IL1RL2: variants seen among roughly 807,000 people sequenced by gnomAD.
IL1RL2 encodes the protein interleukin-1 receptor-like 2.
IL1RL2 carries 68 observed loss-of-function variants against 66.8 expected under a neutral mutation model. The ratio of observed to expected loss-of-function variants is 1.02; its 90% CI spans 0.84 to 1.25. The LOEUF is 1.25. Among genes scored for constraint, IL1RL2 ranks in the 50% most tolerant of loss-of-function variants. IL1RL2 has a pLI of 0.00. For synonymous variants in IL1RL2, 305 were observed against 264.6 expected (o/e 1.15, Z -1.48); for missense variants, 729 against 709.3 (o/e 1.03, Z -0.32).
At chr2:102,205,809 G>A (rs1179570221) in intron 5 of IL1RL2, among the ~76,000 whole-genome samples, 3 of 152,102 alleles carry the variant, frequency 2.0e-5, no homozygotes, top group African/African-American at 7.2e-5. Context: ...TTATCCTTTT[G>A]AATAAACTTT....
chr2:102,211,418 G>A (rs1263331362), intron 5 of IL1RL2, among the ~76,000 whole-genome samples: 1 of 151,936 alleles, frequency 6.6e-6, no homozygotes, highest in Non-Finnish European at 1.5e-5. Context: ...GAAGAGGACG[G>A]GATATAAAAT....
Position 102,219,042 on chromosome 2 carries a change from G to T in IL1RL2, c.814G>T (p.Asp272Tyr), listed in dbSNP as rs1048014087. The change falls in exon 7 of 12, where the codon GAT becomes TAT. Residue 272 changes from aspartate (D) to tyrosine (Y), a missense_variant. Transcript: ENST00000264257. ...CWRVNNTLVD[D>Y]YYDESKRIRE... is the part of the protein sequence containing the mutation. ...GAGAGTCAATAACACTTTGGTGGAT[G>T]ATTACTATGATGAATCCAAACGAAT... The T allele has an allele frequency of 1.2e-6, 2 of 1,613,814 alleles. No homozygotes were observed. Among genetic ancestry groups the T allele is most frequent in the African/African-American group, 2.7e-5 (2 of 74,900 alleles).
intron 2 of IL1RL2, 75 bp from the exon 3 acceptor site, chr2:102,189,001 T>A: frequency 1.8e-6 from 2 of 1,125,896 alleles, no homozygotes; most frequent in African/African-American, 1.6e-5. Flanking sequence ...AAGAGGCATT[T>A]AAAAAAACTA....
chr2:102,189,279 G>A lies in IL1RL2; in HGVS notation c.262G>A (p.Gly88Arg), dbSNP rs1420882131. The change falls in exon 3 of 12, where the codon GGG becomes AGG. Residue 88 changes from glycine to arginine, a missense_variant. Coordinates refer to ENST00000264257, the MANE Select transcript of IL1RL2 (RefSeq NM_003854.4). The part of the protein sequence containing the change: ...TWILFLPMEW[G>R]DSGVYQCVIK... ...GATTTTGTTTCTCCCCATGGAATGG[G>A]GGGACTCAGGAGTCTACCAATGTGT... 6.2e-7 allele frequency: 1 copy of A among 1,612,838 alleles called. No individual in the cohort carries two copies. Among genetic ancestry groups the A allele is most frequent in the African/African-American group, 1.3e-5 (1 of 74,998 alleles).
At chr2:102,190,900 C>T (rs1687172597) in intron 3 of IL1RL2, among the ~76,000 whole-genome samples, 1 of 152,162 alleles carries the variant, frequency 6.6e-6, no homozygotes, top group African/African-American at 2.4e-5. Context: ...AGAAAATGAA[C>T]ATGAATTCTC....
At chr2:102,232,255 G>A (rs1691203918) in intron 9 of IL1RL2, among the ~76,000 whole-genome samples, 1 of 152,082 alleles carries the variant, frequency 6.6e-6, no homozygotes, top group Admixed American at 6.5e-5. Context: ...GGGATTGCAG[G>A]TGCCCACCAC....
At chr2:102,236,170 T>C (rs140665640) in intron 11 of IL1RL2, among the ~76,000 whole-genome samples, 1 of 152,324 alleles carries the variant, frequency 6.6e-6, no homozygotes, top group African/African-American at 2.4e-5. Context: ...CCCTCATCAC[T>C]TTTTTCCAAG....
At chr2:102,241,573 C>T (rs537406270), downstream of IL1RL2, among the ~76,000 whole-genome samples, 3 of 152,290 alleles carry the variant, frequency 2.0e-5, no homozygotes, top group South Asian at 2.1e-4. Context: ...GCCCGGTGAA[C>T]GGAAAATGTG....
chr2:102,232,215 G>A lies in IL1RL2; in HGVS notation c.1136-748G>A, dbSNP rs368308056. On this transcript the variant is annotated intron_variant, in intron 9 of 11. Transcript: ENST00000264257. ...AAACCTTCGCCTCCCAGGTTCAAGC[G>A]ATTCTCCTGCCTCAGCCTCCTGAGT... Among the ~76,000 whole-genome samples the A allele has an allele frequency of 2.2e-4, 33 of 151,928 alleles. No homozygotes were observed. In the East Asian group the frequency reaches 2.7e-3, roughly 13 times the overall value.
chr2:102,216,056 A>T (rs1372746627), intron 6 of IL1RL2, among the ~76,000 whole-genome samples: 1 of 152,240 alleles, frequency 6.6e-6, no homozygotes, highest in Non-Finnish European at 1.5e-5. Context: ...AAGATTTGCT[A>T]AATGCCTGAA....
intron 4 of IL1RL2, among the ~76,000 whole-genome samples, chr2:102,194,846 C>T (rs747158621): frequency 2.0e-5 from 3 of 151,978 alleles, no homozygotes; most frequent in Non-Finnish European, 4.4e-5. Flanking sequence ...CCCCTGGGCT[C>T]GAGTGACCCT....
At chr2:102,203,964 A>G (rs1414646790) in intron 5 of IL1RL2, among the ~76,000 whole-genome samples, 1 of 151,818 alleles carries the variant, frequency 6.6e-6, no homozygotes, top group Non-Finnish European at 1.5e-5. Flanking sequence ...GTTCTTTAAG[A>G]TACATCATTA....
chr2:102,191,328 A>G (rs1039074685), intron 3 of IL1RL2, among the ~76,000 whole-genome samples: 2 of 152,166 alleles, frequency 1.3e-5, no homozygotes, highest in African/African-American at 4.8e-5. Flanking sequence ...AAATTCAGGA[A>G]ACTTAAACAT....
At chr2:102,225,536 C>T (rs555230326) in intron 8 of IL1RL2, among the ~76,000 whole-genome samples, 9 of 152,274 alleles carry the variant, frequency 5.9e-5, no homozygotes, top group East Asian at 1.9e-4. Context: ...CATACTCAGG[C>T]GCCACCTCTG....
At chr2:102,214,701 T>C (rs1010834497) in intron 6 of IL1RL2, among the ~76,000 whole-genome samples, 8 of 148,340 alleles carry the variant, frequency 5.4e-5, no homozygotes, top group Non-Finnish European at 1.1e-4. Flanking sequence ...CTAAAATTTC[T>C]GTCAAAAATG....
At chr2:102,188,544 A>G (rs1273442987) in intron 2 of IL1RL2, among the ~76,000 whole-genome samples, 1 of 139,552 alleles carries the variant, frequency 7.2e-6, no homozygotes, top group Non-Finnish European at 1.5e-5. Flanking sequence ...GCCGAGATTG[A>G]GCCTCTGCAC....
At chr2:102,235,998 C>T (rs1674845901) in intron 11 of IL1RL2, 1 of 948,006 alleles carries the variant, frequency 1.1e-6, no homozygotes, top group Non-Finnish European at 1.3e-6. Flanking sequence ...ACATGTCAAC[C>T]AGAATTCTGA....
At chr2:102,207,943 G>A (rs531493862) in intron 5 of IL1RL2, among the ~76,000 whole-genome samples, 10 of 152,288 alleles carry the variant, frequency 6.6e-5, no homozygotes, top group Non-Finnish European at 1.0e-4. Context: ...CCTCTGTCTA[G>A]GGCTGGTTTA....
chr2:102,234,813 G>A, intron 10 of IL1RL2, 84 bp from the exon 11 acceptor site: 1 of 1,292,650 alleles, frequency 7.7e-7, no homozygotes, highest in South Asian at 1.4e-5. Context: ...TTTTCTCCTG[G>A]CCTGTTTCAA....
Sources: gnomAD v4.1 joint callset for allele counts (sites outside exome capture counted in the v4.1 genomes callset) on GRCh38, gnomAD v4.1.1 for gene constraint, MANE v1.5 for transcripts, NCBI Gene and HGNC (gene_info 2026-07-23, HGNC 2026-07-21) for gene names.